Variants in MAPRE2 observed in about 807,000 individuals in gnomAD.
The protein encoded by MAPRE2 is microtubule-associated protein RP/EB family member 2.
A neutral mutation model predicts 43.2 loss-of-function variants in MAPRE2; 13 were observed. That is an observed-to-expected ratio of 0.30 (90% CI 0.20 to 0.48). The LOEUF (loss-of-function observed/expected upper bound fraction) is 0.48, where lower values mean the gene tolerates loss of function less well. MAPRE2 is among the 20% of genes least tolerant of loss of function. The probability of loss-of-function intolerance (pLI) is 0.99; values close to 1 mark genes in which losing one functional copy is unlikely to be tolerated. For missense variants in MAPRE2, 161 were observed against 400.2 expected (o/e 0.40, Z 5.10); for synonymous variants, 135 against 148.8 (o/e 0.91, Z 0.68).
chr18:35,078,102 T>C (rs368951599), intron 2 of MAPRE2, among the ~76,000 whole-genome samples: 3 of 152,312 alleles, frequency 2.0e-5, no homozygotes, highest in South Asian at 2.1e-4. Flanking sequence ...ATAAATGAAT[T>C]TATGATTACT....
intron 2 of MAPRE2, among the ~76,000 whole-genome samples, chr18:35,013,375 A>G (rs2097036006): frequency 6.6e-6 from 1 of 152,218 alleles, no homozygotes; most frequent in Non-Finnish European, 1.5e-5. Context: ...GTTACAAACT[A>G]GAGCTTTTTA....
intron 2 of MAPRE2, among the ~76,000 whole-genome samples, chr18:35,028,484 ACTAACT>A (rs2097046372): frequency 6.6e-6 from 1 of 152,180 alleles, no homozygotes; most frequent in Admixed American, 6.5e-5. Context: ...ATTCCCCAGT[ACTAACT>A]TTTATAAGGA....
At chr18:35,016,743 A>G (rs933629856) in intron 2 of MAPRE2, among the ~76,000 whole-genome samples, 1 of 152,048 alleles carries the variant, frequency 6.6e-6, no homozygotes, top group Non-Finnish European at 1.5e-5. Context: ...ATTTTCTCCC[A>G]TTCTGTAGCT....
intron 2 of MAPRE2, among the ~76,000 whole-genome samples, chr18:35,084,277 A>C (rs1907770073): frequency 6.6e-6 from 1 of 152,218 alleles, no homozygotes; most frequent in Non-Finnish European, 1.5e-5. Context: ...CCATCTCAAA[A>C]AAAAATAATA....
intron 1 of MAPRE2, among the ~76,000 whole-genome samples, chr18:35,067,903 T>C (rs1349795215): frequency 6.6e-6 from 1 of 152,186 alleles, no homozygotes; most frequent in Non-Finnish European, 1.5e-5. Context: ...AAGAAAACAG[T>C]GGAAGTTATT....
chr18:35,046,662 A>G (rs556660037), intron 1 of MAPRE2, among the ~76,000 whole-genome samples: 2 of 152,350 alleles, frequency 1.3e-5, no homozygotes, highest in East Asian at 3.9e-4. Context: ...AATGAGAGCT[A>G]AAAGGAAAAC....
chr18:35,091,838 G>T (rs778263317), intron 2 of MAPRE2, among the ~76,000 whole-genome samples: 17 of 152,154 alleles, frequency 1.1e-4, no homozygotes, highest in Non-Finnish European at 1.9e-4. Context: ...GCCTATTCTT[G>T]CATTGCTATA....
chr18:35,010,479 CAT>C (rs1464758466), intron 2 of MAPRE2, among the ~76,000 whole-genome samples: 1 of 152,136 alleles, frequency 6.6e-6, no homozygotes, highest in Non-Finnish European at 1.5e-5. Context: ...TTAGAGGTAA[CAT>C]AATTGTTGGG....
At chr18:35,034,382 C>T (rs1483405187) in intron 2 of MAPRE2, among the ~76,000 whole-genome samples, 2 of 152,154 alleles carry the variant, frequency 1.3e-5, no homozygotes, top group East Asian at 3.9e-4. Context: ...GGATTAAAGA[C>T]TTAAACGTTA....
At chr18:35,034,062 C>T (rs1334366810) in intron 2 of MAPRE2, among the ~76,000 whole-genome samples, 1 of 152,106 alleles carries the variant, frequency 6.6e-6, no homozygotes, top group Non-Finnish European at 1.5e-5. Context: ...CCAAGTCAAT[C>T]CTAAGCAAAA....
At chr18:35,117,928 G>A (rs542198568) in intron 4 of MAPRE2, among the ~76,000 whole-genome samples, 3 of 152,098 alleles carry the variant, frequency 2.0e-5, no homozygotes, top group Admixed American at 1.3e-4. Flanking sequence ...GATGCAGAAC[G>A]CTTTCCTGCA....
intron 2 of MAPRE2, among the ~76,000 whole-genome samples, chr18:35,075,639 A>G (rs1396852746): frequency 6.6e-6 from 1 of 152,232 alleles, no homozygotes; most frequent in East Asian, 1.9e-4. Context: ...GTGATATATT[A>G]CATAGAGTCT....
intron 1 of MAPRE2, chr18:35,005,405 A>T: frequency 1.3e-6 from 1 of 785,486 alleles, no homozygotes; most frequent in Non-Finnish European, 2.0e-6. Flanking sequence ...GGCCACACCC[A>T]CTAAACTAAA....
chr18:34,980,021 T>C (rs1199511583), intron 1 of MAPRE2, among the ~76,000 whole-genome samples: 1 of 64,056 alleles, frequency 1.6e-5, no homozygotes, highest in Non-Finnish European at 3.6e-5. Context: ...CTTTTTCTTT[T>C]TCTTTTTTTC....
At chr18:35,021,433 T>C (rs2097041898) in intron 2 of MAPRE2, among the ~76,000 whole-genome samples, 2 of 152,104 alleles carry the variant, frequency 1.3e-5, no homozygotes, top group African/African-American at 4.8e-5. Flanking sequence ...TAGGATTATA[T>C]TGCCAGCTAA....
At chr18:35,033,293 C>T (rs2097048722) in intron 2 of MAPRE2, among the ~76,000 whole-genome samples, 1 of 152,088 alleles carries the variant, frequency 6.6e-6, no homozygotes, top group Non-Finnish European at 1.5e-5. Context: ...GCAGAAAAGG[C>T]CTTTGACAAA....
chr18:35,049,886 G>T (rs548862476), intron 1 of MAPRE2, among the ~76,000 whole-genome samples: 1 of 152,258 alleles, frequency 6.6e-6, no homozygotes, highest in East Asian at 1.9e-4. Context: ...ACAAGCTTGG[G>T]CATTGTTGAG....
chr18:35,061,847 C>G (rs1906548070), intron 1 of MAPRE2, among the ~76,000 whole-genome samples: 1 of 152,164 alleles, frequency 6.6e-6, no homozygotes, highest in African/African-American at 2.4e-5. Context: ...TTTCTCTGTG[C>G]CCCACATTGC....
chr18:35,092,006 G>A (rs1321760193), intron 2 of MAPRE2, among the ~76,000 whole-genome samples: 4 of 152,226 alleles, frequency 2.6e-5, no homozygotes, highest in African/African-American at 4.8e-5. Context: ...CACATCTTAC[G>A]TGGCTGGAGC....
Sources: allele counts gnomAD v4.1 joint callset (sites outside exome capture counted in the v4.1 genomes callset), GRCh38; gene constraint gnomAD v4.1.1; transcripts MANE v1.5; gene names NCBI Gene and HGNC (gene_info 2026-07-23, HGNC 2026-07-21).